The following TMEM150C variants were observed in gnomAD, a reference collection of about 807,000 sequenced individuals.
TMEM150C encodes transmembrane protein 150C, also known as tentonin 3.
Under a neutral mutation model 29.9 loss-of-function variants are expected in TMEM150C, and 10 were observed. The ratio of observed to expected loss-of-function variants is 0.33; its 90% CI spans 0.21 to 0.57. The LOEUF (loss-of-function observed/expected upper bound fraction) is 0.57, where lower values mean the gene tolerates loss of function less well. Among genes scored for constraint, TMEM150C ranks in the 20% least tolerant of loss-of-function variants. The probability of loss-of-function intolerance (pLI) is 0.88; values close to 1 mark genes in which losing one functional copy is unlikely to be tolerated. For synonymous variants in TMEM150C, 101 were observed against 112.5 expected (o/e 0.90, Z 0.64); for missense variants, 251 against 303.6 (o/e 0.83, Z 1.29).
At chr4:82,546,223 A>G (rs762992861) in intron 1 of TMEM150C, among the ~76,000 whole-genome samples, 12 of 152,206 alleles carry the variant, frequency 7.9e-5, no homozygotes, top group Admixed American at 3.3e-4. Flanking sequence ...CCACAGAACT[A>G]GAAAAAACCT....
chr4:82,517,442 G>C (rs1034614708), intron 1 of TMEM150C, among the ~76,000 whole-genome samples: 1 of 152,154 alleles, frequency 6.6e-6, no homozygotes, highest in Non-Finnish European at 1.5e-5. Flanking sequence ...TGAATCAGTA[G>C]ACTAAGTAAA....
chr4:82,552,470 C>T (rs1725611458), intron 1 of TMEM150C, among the ~76,000 whole-genome samples: 1 of 152,062 alleles, frequency 6.6e-6, no homozygotes, highest in African/African-American at 2.4e-5. Flanking sequence ...CCAGAGCTTT[C>T]CTGTTAAGCT....
At chr4:82,517,580 TGGACATCA>T (rs1174037635) in intron 1 of TMEM150C, among the ~76,000 whole-genome samples, 2 of 152,160 alleles carry the variant, frequency 1.3e-5, no homozygotes, top group Non-Finnish European at 2.9e-5. Context: ...CTACTGCCCT[TGGACATCA>T]GAACTCCAGT....
At chr4:82,508,590 T>C (rs1212728679) in intron 1 of TMEM150C, among the ~76,000 whole-genome samples, 1 of 151,960 alleles carries the variant, frequency 6.6e-6, no homozygotes, top group Non-Finnish European at 1.5e-5. Context: ...CTCAGCCTCC[T>C]GAGTAGCTGG....
chr4:82,556,350 T>C (rs1478133118), intron 1 of TMEM150C, among the ~76,000 whole-genome samples: 1 of 152,208 alleles, frequency 6.6e-6, no homozygotes, highest in Non-Finnish European at 1.5e-5. Flanking sequence ...GGAGCCAAAG[T>C]TTCATCAAAC....
intron 1 of TMEM150C, among the ~76,000 whole-genome samples, chr4:82,532,730 CTT>C (rs879674239): frequency 1.1e-4 from 15 of 139,892 alleles, no homozygotes; most frequent in Admixed American, 2.9e-4. Flanking sequence ...GTCAAGTAAA[CTT>C]TTTTTTTTTT....
intron 1 of TMEM150C, among the ~76,000 whole-genome samples, chr4:82,557,154 A>G (rs1374701024): frequency 3.3e-5 from 5 of 152,234 alleles, no homozygotes; most frequent in African/African-American, 4.8e-5. Context: ...ATCAAAGCAA[A>G]TTAGTTTAAA....
intron 1 of TMEM150C, among the ~76,000 whole-genome samples, chr4:82,529,039 AG>A (rs1158664984): frequency 1.3e-5 from 2 of 151,458 alleles, no homozygotes; most frequent in Admixed American, 1.3e-4. Context: ...ACATGAAAGC[AG>A]GGGGCAGTCA....
Position 82,559,598 on chromosome 4 carries a change from C to G in TMEM150C, c.-11+2308G>C, listed in dbSNP as rs529727094. ...AAAGTAGGGACACACTTATTACACA[C>G]CTGTGTCTAGTCCTACGCTTTTCAT... On this transcript the variant is annotated intron_variant, in intron 1 of 7. Coordinates refer to ENST00000449862, the MANE Select transcript of TMEM150C (RefSeq NM_001080506.3). 2.6e-5 allele frequency among the ~76,000 whole-genome samples: 4 copies of G among 152,172 alleles called. No homozygotes were observed. In the East Asian group the frequency reaches 7.7e-4, roughly 29 times the overall value.
intron 6 of TMEM150C, among the ~76,000 whole-genome samples, chr4:82,493,496 C>T (rs1288397225): frequency 6.6e-6 from 1 of 152,170 alleles, no homozygotes; most frequent in African/African-American, 2.4e-5. Flanking sequence ...TTTGTCATTT[C>T]TCATGTATTC....
intron 1 of TMEM150C, among the ~76,000 whole-genome samples, chr4:82,560,138 A>G (rs1725874045): frequency 6.6e-6 from 1 of 152,188 alleles, no homozygotes; most frequent in Non-Finnish European, 1.5e-5. Context: ...AAATTACTCC[A>G]TAGAGCAAAT....
chr4:82,500,550 C>T (rs996589979), intron 5 of TMEM150C, among the ~76,000 whole-genome samples: 2 of 152,032 alleles, frequency 1.3e-5, no homozygotes, highest in Non-Finnish European at 2.9e-5. Context: ...TACCTTCGAG[C>T]AAGAGCTAGC....
At chr4:82,512,520 T>A (rs893660524) in intron 1 of TMEM150C, among the ~76,000 whole-genome samples, 9 of 152,192 alleles carry the variant, frequency 5.9e-5, no homozygotes, top group Non-Finnish European at 1.2e-4. Context: ...TCCTTTGTAA[T>A]AAGTGTGGCC....
intron 1 of TMEM150C, among the ~76,000 whole-genome samples, chr4:82,546,393 A>G (rs1237028986): frequency 6.6e-6 from 1 of 152,318 alleles, no homozygotes; most frequent in Admixed American, 6.5e-5. Flanking sequence ...CAGACAGACT[A>G]GTGGAACAGA....
chr4:82,503,774 C>T (rs1462565305), intron 2 of TMEM150C, among the ~76,000 whole-genome samples: 1 of 151,788 alleles, frequency 6.6e-6, no homozygotes, highest in Admixed American at 6.6e-5. Context: ...GGCGTGAACC[C>T]AGGAGGCAGA....
chr4:82,505,843 T>C (rs184015485), intron 1 of TMEM150C, among the ~76,000 whole-genome samples: 1 of 152,276 alleles, frequency 6.6e-6, no homozygotes, highest in East Asian at 1.9e-4. Flanking sequence ...TATGAAAAAT[T>C]ATCAGTATTA....
intron 5 of TMEM150C, 71 bp downstream of exon 5, chr4:82,502,655 AG>A (rs1248519028): frequency 4.2e-6 from 6 of 1,435,508 alleles, no homozygotes; most frequent in South Asian, 1.2e-5. Flanking sequence ...TGTTTTGACA[AG>A]GGTTTGGGAG....
At chr4:82,512,463 A>G (rs1228032279) in intron 1 of TMEM150C, among the ~76,000 whole-genome samples, 2 of 152,192 alleles carry the variant, frequency 1.3e-5, no homozygotes, top group Non-Finnish European at 2.9e-5. Flanking sequence ...GTCTCCTTCC[A>G]TTATAATTCG....
intron 1 of TMEM150C, among the ~76,000 whole-genome samples, chr4:82,529,619 G>A (rs78386168): frequency 1.2e-4 from 18 of 152,098 alleles, no homozygotes; most frequent in Admixed American, 4.6e-4. Context: ...TCAAGGAGTG[G>A]TCAACTGTCT....
Sources: allele counts gnomAD v4.1 joint callset (sites outside exome capture counted in the v4.1 genomes callset), GRCh38; gene constraint gnomAD v4.1.1; transcripts MANE v1.5; gene names NCBI Gene and HGNC (gene_info 2026-07-23, HGNC 2026-07-21).